PHC3: variants seen among roughly 807,000 people sequenced by gnomAD.
PHC3 encodes polyhomeotic-like protein 3.
In PHC3, 13 loss-of-function variants were observed where a neutral mutation model predicts 107.4. The ratio of observed to expected loss-of-function variants is 0.12; its 90% confidence interval spans 0.08 to 0.19. The LOEUF (loss-of-function observed/expected upper bound fraction) is 0.19, where lower values mean the gene tolerates loss of function less well. PHC3 is among the 10% of genes least tolerant of loss of function. The probability of loss-of-function intolerance (pLI) is 1.00; values close to 1 mark genes in which losing one functional copy is unlikely to be tolerated. For synonymous variants in PHC3, 456 were observed against 427.4 expected, an observed-to-expected ratio of 1.07 and a Z score of -0.83; for missense variants, 992 against 1,210.9, an observed-to-expected ratio of 0.82 and a Z score of 2.68.
chr3:170,127,814 T>G (rs903424614), intron 8 of PHC3, among the ~76,000 whole-genome samples: 1 of 152,170 alleles, frequency 6.6e-6, no homozygotes, highest in African/African-American at 2.4e-5. Context: ...CTTATTTCAG[T>G]TTTATAAATC....
At chr3:170,100,634 G>A (rs553932468) in intron 14 of PHC3, among the ~76,000 whole-genome samples, 3 of 152,250 alleles carry the variant, frequency 2.0e-5, no homozygotes, top group African/African-American at 4.8e-5. Flanking sequence ...GTGTCTAGAT[G>A]AACTCTATAA....
rs1553788612 is a variant in PHC3 at position 170,126,528 on chromosome 3, A to ATTTT, written c.1788+2152_1788+2155dup. 1.9e-3 allele frequency among the ~76,000 whole-genome samples: 170 copies of ATTTT among 90,594 alleles called. 1 individual carries two copies. Among genetic ancestry groups the ATTTT allele is most frequent in the Non-Finnish European group, 2.1e-3 (102 of 47,542 alleles). 59.4% of individuals were successfully genotyped at this position (90,594 alleles called of 152,430 possible). On this transcript the variant is annotated intron_variant, in intron 8 of 14. Transcript: ENST00000495893. ...TGTATATATATATATATATATATAT[A>ATTTT]TTTTTTTTTTTTTTTCCTTTTTCTT...
At chr3:170,111,833 C>T (rs1375772911) in intron 11 of PHC3, among the ~76,000 whole-genome samples, 2 of 152,044 alleles carry the variant, frequency 1.3e-5, no homozygotes, top group Non-Finnish European at 2.9e-5. Context: ...AGTTTGCTTA[C>T]CAGCATGCTA....
chr3:170,178,650 G>C (rs1489193282), intron 2 of PHC3, 123 bp downstream of exon 2: 38 of 1,084,390 alleles, frequency 3.5e-5, no homozygotes, highest in Non-Finnish European at 5.1e-5. Flanking sequence ...TGAGACAGTT[G>C]ATTGAAACAT....
intron 4 of PHC3, among the ~76,000 whole-genome samples, chr3:170,164,132 G>A (rs1282251026): frequency 2.6e-5 from 4 of 152,072 alleles, no homozygotes; most frequent in African/African-American, 7.2e-5. Context: ...AGAATTTGAA[G>A]CTGCAGTGAG....
In PHC3 at chr3:170,181,432, G is replaced by C. The variant is rs77198775; in HGVS notation, c.14+270C>G. ...GTTCCCCGGAAAACCCCAGCTCCCG[G>C]AGTCCCAAGGGTGACCCTGCGCGCA... is the stretch of plus-strand genomic sequence containing the variant. On this transcript the variant is annotated intron_variant, in intron 1 of 14. Coordinates refer to ENST00000495893, the MANE Select transcript of PHC3 (RefSeq NM_024947.4). Among the ~76,000 whole-genome samples the C allele has an allele frequency of 3.9e-3, 591 of 152,246 alleles. 19 individuals carry two copies. In the East Asian group the frequency reaches 0.098, roughly 25 times the overall value.
At chr3:170,176,353 C>T (rs754635495) in intron 2 of PHC3, among the ~76,000 whole-genome samples, 1 of 152,092 alleles carries the variant, frequency 6.6e-6, no homozygotes, top group African/African-American at 2.4e-5. Context: ...TGGTTCCACT[C>T]CACAGTGATT....
At chr3:170,173,336 T>C (rs1345332819) in intron 2 of PHC3, among the ~76,000 whole-genome samples, 4 of 152,142 alleles carry the variant, frequency 2.6e-5, no homozygotes, top group African/African-American at 9.7e-5. Flanking sequence ...AACTTTCAGA[T>C]GGATAAAGAT....
In PHC3 at chr3:170,110,559, TTC is replaced by T. The variant is rs995583514; in HGVS notation, c.2353+2799_2353+2800del. On this transcript the variant is annotated intron_variant, in intron 11 of 14. Transcript: ENST00000495893. Reference sequence around the variant, plus strand: ...TCTTAGCCAGTTTTAAAGTTCTAAATTCTGTCTATATAATTCAGTGTGACTAT... The same window carrying T: ...TCTTAGCCAGTTTTAAAGTTCTAAATTGTCTATATAATTCAGTGTGACTAT... Among the ~76,000 whole-genome samples the T allele has an allele frequency of 1.3e-4, 20 of 152,356 alleles. No homozygotes were observed. The East Asian group carries it at 3.1e-3, about 23-fold the overall frequency.
intron 4 of PHC3, chr3:170,150,789 G>A: frequency 2.8e-6 from 1 of 358,396 alleles, no homozygotes. Context: ...GTAAGAAACT[G>A]GTAACTGGTT....
At chr3:170,102,154 G>A (rs1715597097) in intron 14 of PHC3, 1 of 985,190 alleles carries the variant, frequency 1.0e-6, no homozygotes, top group Non-Finnish European at 1.2e-6. Context: ...AGGAAGAAGT[G>A]TCTGATTCAA....
chr3:170,100,735 C>T (rs2108262031), intron 14 of PHC3, among the ~76,000 whole-genome samples: 1 of 152,086 alleles, frequency 6.6e-6, no homozygotes, highest in South Asian at 2.1e-4. Flanking sequence ...TGCCTTTGTT[C>T]TGGTAAAGTA....
intron 6 of PHC3, among the ~76,000 whole-genome samples, chr3:170,142,123 G>C (rs930741933): frequency 6.6e-6 from 1 of 152,024 alleles, no homozygotes; most frequent in African/African-American, 2.4e-5. Context: ...GAGCTGAGTT[G>C]TTTTAAGGAA....
chr3:170,170,081 C>G, intron 4 of PHC3: 1 of 150,350 alleles, frequency 6.7e-6, no homozygotes, highest in Non-Finnish European at 1.5e-5. Flanking sequence ...GAAAAAAAAA[C>G]CAAACAACAA....
intron 9 of PHC3, among the ~76,000 whole-genome samples, chr3:170,118,029 T>G (rs1358935381): frequency 6.6e-6 from 1 of 151,950 alleles, no homozygotes; most frequent in Non-Finnish European, 1.5e-5. Flanking sequence ...AAAAGCAAAA[T>G]TGTTCCCATG....
At chr3:170,160,816 A>C (rs1198011987) in intron 4 of PHC3, among the ~76,000 whole-genome samples, 3 of 152,166 alleles carry the variant, frequency 2.0e-5, no homozygotes, top group African/African-American at 7.2e-5. Context: ...CTGAGGGAGG[A>C]GAATCGCTTC....
intron 2 of PHC3, among the ~76,000 whole-genome samples, chr3:170,172,915 G>T (rs1729838108): frequency 6.6e-6 from 1 of 152,064 alleles, no homozygotes. Context: ...CAGTGGGCCG[G>T]GCACGGTGGC....
Position 170,092,942 on chromosome 3 carries a change from C to T in PHC3, c.*4288G>A, listed in dbSNP as rs937452644. On this transcript the variant is annotated 3_prime_UTR_variant, in exon 15 of 15. Transcript: ENST00000495893. ...GCTATAACTGGCATCTAACAAAACGCATTATTTTGAACTATGGATGAAAGC... is the reference window on the plus strand; with the variant it reads ...GCTATAACTGGCATCTAACAAAACGTATTATTTTGAACTATGGATGAAAGC... The T allele has an allele frequency of 2.0e-5, 3 of 152,156 alleles. No homozygotes were observed. The highest frequency in any genetic ancestry group is 2.0e-4 in the Admixed American group (3 of 15,264). 9.4% of individuals were successfully genotyped at this position (152,156 alleles called of 1,614,324 possible).
In PHC3 at chr3:170,145,492, A is replaced by G. The variant is rs770790230; in HGVS notation, c.603T>C (p.Ala201=). The G allele has an allele frequency of 6.2e-7, 1 of 1,613,384 alleles. No homozygotes were observed. The highest frequency in any genetic ancestry group is 2.2e-5 in the East Asian group (1 of 44,868). ...MLIFTPATTV[A]AVQSDIPVVS... is the part of the protein sequence containing the mutation. ...CAACAGGAATGTCAGACTGTACAGC[A>G]GCCACAGTGGTAGCGGGTGTGAAAA... Residue 201 remains alanine, a synonymous_variant, in exon 6 of 15, where the codon GCT becomes GCC. Coordinates refer to ENST00000495893, the MANE Select transcript of PHC3 (RefSeq NM_024947.4).
Sources: gnomAD v4.1 joint callset for allele counts (sites outside exome capture counted in the v4.1 genomes callset) on GRCh38, gnomAD v4.1.1 for gene constraint, MANE v1.5 for transcripts, NCBI Gene and HGNC (gene_info 2026-07-23, HGNC 2026-07-21) for gene names.